Variants in RNF144A observed in about 807,000 individuals in gnomAD.
The protein encoded by RNF144A is E3 ubiquitin-protein ligase RNF144A.
In RNF144A, 11 loss-of-function variants were observed where a neutral mutation model predicts 38.7. That is an observed-to-expected ratio of 0.28 (90% CI 0.18 to 0.47). The LOEUF (loss-of-function observed/expected upper bound fraction) is 0.47, where lower values mean the gene tolerates loss of function less well. Among genes scored for constraint, RNF144A ranks in the 20% least tolerant of loss-of-function variants. The pLI is 0.99. For synonymous variants in RNF144A, 149 were observed against 143.9 expected (o/e 1.04, Z -0.25); for missense variants, 316 against 377.2 (o/e 0.84, Z 1.34).
intron 2 of RNF144A, 189 bp from the exon 3 acceptor site, chr2:6,996,727 T>G: frequency 3.4e-6 from 2 of 581,672 alleles, no homozygotes; most frequent in South Asian, 4.2e-5. Context: ...TACTCCAACC[T>G]GGACGACAGA....
At position 7,041,914 on chromosome 2, in the gene RNF144A, C is replaced by T. The variant is rs1673067860; in HGVS notation, c.*2154C>T. ...GGACAGGCTGTTCTGTTGGAAGAGT[C>T]TCTGGCCCAGTCATGCACATCTGTA... On this transcript the variant is annotated 3_prime_UTR_variant, in exon 9 of 9. Coordinates refer to ENST00000320892, the MANE Select transcript of RNF144A (RefSeq NM_014746.6). 1 of 985,336 alleles carries T rather than the reference C, an allele frequency of 1.0e-6. No individual in the cohort carries two copies. The highest frequency in any genetic ancestry group is 1.7e-5 in the African/African-American group (1 of 57,228). 61.0% of individuals were successfully genotyped at this position (985,336 alleles called of 1,614,324 possible). A position where few individuals can be genotyped will look rare whatever the true frequency, so the allele number is the denominator to read the frequency against.
At chr2:6,942,722 G>A (rs569678752) in intron 2 of RNF144A, among the ~76,000 whole-genome samples, 16 of 152,302 alleles carry the variant, frequency 1.1e-4, no homozygotes, top group Middle Eastern at 3.4e-3. Context: ...GGTGGCTCAC[G>A]CCTGTAATCC....
At chr2:7,007,442 G>A (rs553665604) in intron 3 of RNF144A, among the ~76,000 whole-genome samples, 12 of 152,268 alleles carry the variant, frequency 7.9e-5, no homozygotes, top group South Asian at 2.1e-4. Flanking sequence ...TCTCAAGCGC[G>A]TCTGTGCATG....
At chr2:6,990,400 A>G (rs867224266) in intron 2 of RNF144A, among the ~76,000 whole-genome samples, 9,041 of 120,332 alleles carry the variant, frequency 0.075, 718 homozygotes, top group African/African-American at 0.25. Flanking sequence ...ACACACACAC[A>G]CACACACACA....
Position 7,024,461 on chromosome 2 carries a change from T to A in RNF144A, c.602T>A (p.Met201Lys), listed in dbSNP as rs1671745353. The A allele has an allele frequency of 1.2e-6, 2 of 1,612,672 alleles. No homozygotes were observed. The highest frequency in any genetic ancestry group is 1.7e-6 in the Non-Finnish European group (2 of 1,178,694). Residue 201 changes from methionine to lysine, a missense_variant, in exon 7 of 9, where the codon ATG becomes AAG. Met to Lys is a moderately conservative substitution (Grantham distance 95). Coordinates refer to ENST00000320892, the MANE Select transcript of RNF144A (RefSeq NM_014746.6). ...GAGCGAGACGAAGGCTGCGCGCAGA[T>A]GATGTGCAAGAACTGCAAGCACGCC... Reference protein sequence around the residue: ...YIERDEGCAQMMCKNCKHAFC... With the variant: ...YIERDEGCAQKMCKNCKHAFC...
rs145654760 is a variant in RNF144A at position 6,941,323 on chromosome 2, T to C, written c.-12+176T>C. The stretch of plus-strand genomic sequence containing the variant: ...GGTTTCCCCGGAATGAATTTTAAGA[T>C]AGTGTTCAACACATTATTTTATGCC... On this transcript the variant is annotated intron_variant, in intron 2 of 8. Coordinates refer to ENST00000320892, the MANE Select transcript of RNF144A (RefSeq NM_014746.6). This position sits in a 1 kb window ranked among gnomAD's most constrained non-coding sequence, Gnocchi z 6.5. Among the ~76,000 whole-genome samples, 555 of 152,378 alleles carry C rather than the reference T, an allele frequency of 3.6e-3. 5 individuals are homozygous for C. The highest frequency in any genetic ancestry group is 0.012 in the African/African-American group (519 of 41,596).
intron 2 of RNF144A, among the ~76,000 whole-genome samples, chr2:6,959,826 G>A (rs896324218): frequency 2.0e-5 from 3 of 152,168 alleles, no homozygotes; most frequent in African/African-American, 7.2e-5. Flanking sequence ...TTAAGTTTCA[G>A]CATGAGTTCC....
intron 3 of RNF144A, among the ~76,000 whole-genome samples, chr2:7,003,756 C>G (rs570969446): frequency 5.0e-4 from 76 of 152,336 alleles, no homozygotes; most frequent in Middle Eastern, 3.4e-3. Context: ...GCAAAGCCTG[C>G]GAGAGGGCAG....
Position 6,962,764 on chromosome 2 carries a change from G to T in RNF144A, c.-12+21617G>T, listed in dbSNP as rs531119107. On this transcript the variant is annotated intron_variant, in intron 2 of 8. Coordinates refer to ENST00000320892, the MANE Select transcript of RNF144A (RefSeq NM_014746.6). This position sits in a 1 kb window ranked among gnomAD's most constrained non-coding sequence, Gnocchi z 4.1. The stretch of plus-strand genomic sequence containing the variant: ...TTCATCACAGCATAAACTTCCAGAG[G>T]CAGGGCAATACCTTTTCCATTACTG... Among the ~76,000 whole-genome samples, 3 of 152,288 alleles carry T rather than the reference G, an allele frequency of 2.0e-5. No individual in the cohort carries two copies. The East Asian group carries it at 5.8e-4, about 29-fold the overall frequency.
At chr2:7,031,158 C>A (rs953271105) in intron 8 of RNF144A, among the ~76,000 whole-genome samples, 2 of 152,118 alleles carry the variant, frequency 1.3e-5, no homozygotes, top group Non-Finnish European at 2.9e-5. Context: ...CGCTACCCGT[C>A]CATGGCCCAG....
At position 7,015,052 on chromosome 2, in the gene RNF144A, C is replaced by G. The variant is rs557877293; in HGVS notation, c.301+280C>G. Among the ~76,000 whole-genome samples, 66 of 152,286 alleles carry G rather than the reference C, an allele frequency of 4.3e-4. 1 individual carries two copies. The South Asian group carries it at 0.014, about 32-fold the overall frequency. ...CCTGGGGGAGGCTTAAAGTTGATGG[C>G]TCTCTTGAGGTATTATATTTCAGCC... On this transcript the variant is annotated intron_variant, in intron 5 of 8. Transcript: ENST00000320892.
At chr2:6,965,617 TG>T (rs1667620182) in intron 2 of RNF144A, among the ~76,000 whole-genome samples, 1 of 152,110 alleles carries the variant, frequency 6.6e-6, no homozygotes, top group South Asian at 2.1e-4. Context: ...CAGGCCCGTG[TG>T]GTGGCGCAGA....
At chr2:7,002,852 A>G (rs1670199770) in intron 3 of RNF144A, among the ~76,000 whole-genome samples, 1 of 152,146 alleles carries the variant, frequency 6.6e-6, no homozygotes, top group South Asian at 2.1e-4. Flanking sequence ...CTCATATGAG[A>G]TGACAGCTCC....
In RNF144A at chr2:7,039,843, A is replaced by C. The variant is rs925730264; in HGVS notation, c.*83A>C. ...CCTCCCCACCGTCCCCCCTTCACTA[A>C]ACATCTTTCTTGCCTTATGTGCCCC... On this transcript the variant is annotated 3_prime_UTR_variant, in exon 9 of 9. Coordinates refer to ENST00000320892, the MANE Select transcript of RNF144A (RefSeq NM_014746.6). 20 of 1,550,122 alleles carry C rather than the reference A, an allele frequency of 1.3e-5. No homozygotes were observed. The highest frequency in any genetic ancestry group is 1.7e-5 in the Non-Finnish European group (19 of 1,145,866).
intron 2 of RNF144A, 84 bp from the exon 3 acceptor site, chr2:6,996,832 A>C (rs1669775756): frequency 7.1e-7 from 1 of 1,409,234 alleles, no homozygotes; most frequent in Non-Finnish European, 9.8e-7. Context: ...CCTGGGTCCC[A>C]GCTACAGCCA....
At chr2:6,994,653 C>T (rs1261085933) in intron 2 of RNF144A, among the ~76,000 whole-genome samples, 1 of 152,176 alleles carries the variant, frequency 6.6e-6, no homozygotes, top group Non-Finnish European at 1.5e-5. Flanking sequence ...TCAGGACCCA[C>T]CAGCTTGAGG....
At chr2:7,021,962 A>G (rs944225864) in intron 6 of RNF144A, among the ~76,000 whole-genome samples, 9 of 152,282 alleles carry the variant, frequency 5.9e-5, no homozygotes, top group Non-Finnish European at 1.2e-4. Flanking sequence ...ATCAAAATTC[A>G]GAAATCTCAT....
In RNF144A at chr2:7,043,254, A is replaced by G; in HGVS notation, c.*3494A>G. On this transcript the variant is annotated 3_prime_UTR_variant, in exon 9 of 9. Transcript: ENST00000320892. ...GCACAGGCCAGTTCCTGATTAGAAC[A>G]CAGGACCTGTGGGAGGGACTATCAG... 1 of 984,564 alleles carries G rather than the reference A, an allele frequency of 1.0e-6. No individual in the cohort carries two copies. The allele number at this position is 984,564 out of a possible 1,614,324, so 61.0% of individuals were successfully genotyped here.
chr2:7,073,573 G>T, the RNF144A span, among the ~76,000 whole-genome samples: 1 of 152,174 alleles, frequency 6.6e-6, no homozygotes, highest in Admixed American at 6.5e-5. Context: ...TTCATGTCTG[G>T]CAATCTTAGC....
Sources: allele counts gnomAD v4.1 joint callset (sites outside exome capture counted in the v4.1 genomes callset), GRCh38; gene constraint gnomAD v4.1.1; non-coding constraint Gnocchi (gnomAD v3.1); transcripts MANE v1.5; gene names NCBI Gene and HGNC (gene_info 2026-07-23, HGNC 2026-07-21).